HERC1: variants seen among roughly 807,000 people sequenced by gnomAD.
HERC1 encodes HECT and RLD domain containing E3 ubiquitin protein ligase family member 1.
Under a neutral mutation model 554.3 loss-of-function variants are expected in HERC1, and 160 were observed. That is an observed-to-expected ratio of 0.29 (90% CI 0.25 to 0.33). The LOEUF (loss-of-function observed/expected upper bound fraction) is 0.33, where lower values mean the gene tolerates loss of function less well. Among genes scored for constraint, HERC1 ranks in the 10% least tolerant of loss-of-function variants. The pLI is 1.00. For synonymous variants in HERC1, 2,175 were observed against 2,131.7 expected (o/e 1.02, Z -0.56); for missense variants, 4,919 against 5,918.5 (o/e 0.83, Z 5.54).
intron 64 of HERC1, chr15:63,637,259 A>T: frequency 1.8e-6 from 1 of 556,292 alleles, no homozygotes; most frequent in Admixed American, 2.5e-5. Context: ...TTTGTTTACA[A>T]TCTTCAGTGG....
chr15:63,825,160 T>G (rs1224918839), intron 1 of HERC1, among the ~76,000 whole-genome samples: 1 of 151,932 alleles, frequency 6.6e-6, no homozygotes, highest in African/African-American at 2.4e-5. Context: ...ATACAAAAAA[T>G]TAGCCAGGTG....
rs754266353 is a variant in HERC1 at position 63,746,992 on chromosome 15, C to A, written c.2446G>T (p.Gly816Trp). Residue 816 changes from glycine (G) to tryptophan (W), a missense_variant, in exon 12 of 78, where the codon GGG becomes TGG. Gly to Trp is a radical substitution (Grantham distance 184). Coordinates refer to ENST00000443617, the MANE Select transcript of HERC1 (RefSeq NM_003922.4). ...TTTCGAAGTGGACCTGCCTGCCTCC[C>A]GAGAATGCTGGTAGCTACCCCTCCC... Reference protein sequence around the residue: ...LAGGVATSILGRQAGPLRNLL... With the variant: ...LAGGVATSILWRQAGPLRNLL... The A allele has an allele frequency of 6.4e-7, 1 of 1,570,870 alleles. No homozygotes were observed. The highest frequency in any genetic ancestry group is 8.6e-7 in the Non-Finnish European group (1 of 1,158,188).
intron 61 of HERC1, among the ~76,000 whole-genome samples, chr15:63,639,512 CATT>C (rs763112776): frequency 1.3e-5 from 2 of 152,180 alleles, no homozygotes; most frequent in Non-Finnish European, 2.9e-5. Context: ...ATATCCCCAT[CATT>C]AAGTGATGCA....
intron 34 of HERC1, among the ~76,000 whole-genome samples, chr15:63,685,445 G>A (rs185978431): frequency 3.3e-4 from 51 of 152,360 alleles, no homozygotes; most frequent in Non-Finnish European, 1.5e-5. Context: ...TATATTTCTT[G>A]TGTGTGCACC....
At chr15:63,650,368 C>T (rs1223564584) in intron 53 of HERC1, among the ~76,000 whole-genome samples, 4 of 151,928 alleles carry the variant, frequency 2.6e-5, no homozygotes, top group Admixed American at 6.6e-5. Flanking sequence ...AGCAAGACTC[C>T]GTCTCAAAAT....
rs762753239 is a variant in HERC1, at chr15:63,612,265, T to C, written c.14386A>G (p.Met4796Val). 9.3e-6 allele frequency: 15 copies of C among 1,608,390 alleles called. No homozygotes were observed. The South Asian group carries it at 1.7e-4, about 18-fold the overall frequency. ...TADISQRFQI[M>V]KVDRPYDSLP... ...AGCTTACTTACCCTATCAACCTTCA[T>C]GATTTGAAATCTCTGAGAAATGTCA... The change falls in exon 77 of 78, where the codon ATG becomes GTG. Residue 4796 changes from methionine (M) to valine (V), a missense_variant. Physicochemically the swap from Met to Val is conservative, Grantham distance 21. This residue lies in a region of HERC1 where 71 missense variants were observed against 101.4 expected (regional missense o/e 0.70). Coordinates refer to ENST00000443617, the MANE Select transcript of HERC1 (RefSeq NM_003922.4). This position sits in a 1 kb window ranked among gnomAD's most constrained non-coding sequence, Gnocchi z 5.0.
chr15:63,789,282 G>C (rs2076557242), intron 1 of HERC1, among the ~76,000 whole-genome samples: 1 of 149,122 alleles, frequency 6.7e-6, no homozygotes, highest in South Asian at 2.2e-4. Flanking sequence ...AGTAGAGACG[G>C]GGTTTCACCG....
At position 63,693,982 on chromosome 15, in the gene HERC1, C is replaced by T; in HGVS notation, c.5656G>A (p.Glu1886Lys). Residue 1886 changes from glutamate to lysine, a missense_variant, in exon 30 of 78, where the codon GAG becomes AAG. Physicochemically the swap from Glu to Lys is moderately conservative, Grantham distance 56. This residue lies in a region of HERC1 where 1,121 missense variants were observed against 1,244.0 expected (regional missense o/e 0.90). Transcript: ENST00000443617. ...ACATTACCTCTGAAATCTTTCTTCT[C>T]AGTTTCTCCACTGGAGTCAACTTTT... ...EKKVDSSGET[E>K]KKDFRAALRK... The T allele has an allele frequency of 6.4e-7, 1 of 1,552,662 alleles. No homozygotes were observed. The highest frequency in any genetic ancestry group is 2.4e-5 in the East Asian group (1 of 41,236).
rs576248226 is a variant in HERC1 at position 63,609,261 on chromosome 15, G to A, written c.14406C>T (p.Tyr4802=). 1.5e-4 allele frequency: 249 copies of A among 1,610,032 alleles called. 1 individual carries two copies. The South Asian group carries it at 2.3e-3, about 15-fold the overall frequency. ...RFQIMKVDRP[Y]DSLPTSQTCF... ...AGGTCTGTGAGGTAGGCAGACTGTC[G>A]TAAGGCTGTGGAGAGAGACCCAGAG... Residue 4802 remains tyrosine, a synonymous_variant, in exon 78 of 78, where the codon TAC becomes TAT. Transcript: ENST00000443617.
chr15:63,684,296 C>T (rs2071630504), intron 34 of HERC1, among the ~76,000 whole-genome samples: 1 of 152,164 alleles, frequency 6.6e-6, no homozygotes. Flanking sequence ...AAGCAGTTTA[C>T]TAAATAAAAC....
intron 34 of HERC1, among the ~76,000 whole-genome samples, chr15:63,685,616 T>G (rs569665055): frequency 6.6e-6 from 1 of 152,348 alleles, no homozygotes; most frequent in African/African-American, 2.4e-5. Flanking sequence ...TGGCTAAGTC[T>G]AGGACCCCTA....
At chr15:63,679,778 C>T (rs1302926039) in intron 36 of HERC1, among the ~76,000 whole-genome samples, 2 of 152,218 alleles carry the variant, frequency 1.3e-5, no homozygotes, top group Non-Finnish European at 2.9e-5. Flanking sequence ...CTAGATTTCT[C>T]TCTCATACCC....
At chr15:63,807,055 T>G (rs961709738) in intron 1 of HERC1, among the ~76,000 whole-genome samples, 1 of 152,208 alleles carries the variant, frequency 6.6e-6, no homozygotes, top group African/African-American at 2.4e-5. Context: ...CTGAGTGATT[T>G]TTTTAAGGCT....
At chr15:63,817,938 A>T (rs2077550955) in intron 1 of HERC1, among the ~76,000 whole-genome samples, 1 of 152,044 alleles carries the variant, frequency 6.6e-6, no homozygotes, top group Non-Finnish European at 1.5e-5. Flanking sequence ...TTATCATAGT[A>T]TCTACCTATT....
intron 2 of HERC1, among the ~76,000 whole-genome samples, chr15:63,772,289 GT>G (rs1480712756): frequency 1.3e-5 from 2 of 152,104 alleles, no homozygotes; most frequent in Non-Finnish European, 2.9e-5. Flanking sequence ...GCCTTAGAAG[GT>G]AAGGTCCTCG....
chr15:63,754,529 A>C lies in HERC1; in HGVS notation c.1750T>G (p.Trp584Gly). The C allele has an allele frequency of 6.2e-7, 1 of 1,611,240 alleles. No homozygotes were observed. The highest frequency in any genetic ancestry group is 8.5e-7 in the Non-Finnish European group (1 of 1,178,512). ...IALSKDGRTVWSFGGGDNGKL... is the reference protein window; with the variant it reads ...IALSKDGRTVGSFGGGDNGKL... ...CCATTGTCTCCTCCTCCAAAAGACCATACAGTTCTCCCATCTTTAGACAGA... is the reference window on the plus strand; with the variant it reads ...CCATTGTCTCCTCCTCCAAAAGACCCTACAGTTCTCCCATCTTTAGACAGA... The change falls in exon 7 of 78, where the codon TGG (tryptophan) becomes GGG (glycine). Residue 584 changes from tryptophan to glycine, a missense_variant. Transcript: ENST00000443617.
In HERC1 at chr15:63,729,299, A is replaced by C; in HGVS notation, c.3091T>G (p.Ser1031Ala). The change falls in exon 16 of 78, where the codon TCA (serine) becomes GCA (alanine). Residue 1031 changes from serine (S) to alanine (A), a missense_variant. Coordinates refer to ENST00000443617, the MANE Select transcript of HERC1 (RefSeq NM_003922.4). ...TCTTTGAGCAAATTTGCAGAACGTG[A>C]ATAAATATCTGTGGCATGAGGCAAC... The part of the protein sequence containing the change: ...LLLPHATDIY[S>A]RSANLLKESP... 6.2e-7 allele frequency: 1 copy of C among 1,612,110 alleles called. No homozygotes were observed. The highest frequency in any genetic ancestry group is 8.5e-7 in the Non-Finnish European group (1 of 1,179,076).
intron 25 of HERC1, among the ~76,000 whole-genome samples, chr15:63,706,551 T>C (rs2073015729): frequency 6.6e-6 from 1 of 152,164 alleles, no homozygotes; most frequent in Non-Finnish European, 1.5e-5. Flanking sequence ...TATTAACTCC[T>C]AAACATTCCC....
chr15:63,725,661 T>C, intron 17 of HERC1, 148 bp from the exon 18 acceptor site: 1 of 651,020 alleles, frequency 1.5e-6, no homozygotes, highest in South Asian at 2.0e-5. Context: ...TCTGTATTTT[T>C]TCTCTTTACC....
Sources: gnomAD v4.1 joint callset for allele counts (sites outside exome capture counted in the v4.1 genomes callset) on GRCh38, gnomAD v4.1.1 for gene constraint, gnomAD v4.1.1 regional missense constraint, Gnocchi (gnomAD v3.1) non-coding constraint, MANE v1.5 for transcripts, NCBI Gene and HGNC (gene_info 2026-07-23, HGNC 2026-07-21) for gene names.